The following DLGAP2 variants were observed in gnomAD, a reference collection of about 807,000 sequenced individuals.
The protein encoded by DLGAP2 is disks large-associated protein 2.
A neutral mutation model predicts 100.3 loss-of-function variants in DLGAP2; 26 were observed. The ratio of observed to expected loss-of-function variants is 0.26; its 90% CI spans 0.19 to 0.36. The LOEUF is 0.36. Among genes scored for constraint, DLGAP2 ranks in the 10% least tolerant of loss-of-function variants. The pLI, the probability that DLGAP2 is intolerant of heterozygous loss-of-function variation, is 1.00. For missense variants in DLGAP2, 1,858 were observed against 1,453.2 expected (o/e 1.28, Z -4.53); for synonymous variants, 886 against 630.1 (o/e 1.41, Z -6.08).
intron 3 of DLGAP2, among the ~76,000 whole-genome samples, chr8:1,424,318 G>A (rs778258926): frequency 2.6e-5 from 4 of 152,220 alleles, no homozygotes; most frequent in Admixed American, 1.3e-4. Context: ...TTATTAAGAC[G>A]TGCGTATCAA....
chr8:1,233,348 C>T (rs1434804067), intron 2 of DLGAP2, among the ~76,000 whole-genome samples: 1 of 152,212 alleles, frequency 6.6e-6, no homozygotes, highest in African/African-American at 2.4e-5. Flanking sequence ...CTGGCCTGTG[C>T]TCTAAGAAGC....
chr8:1,530,679 TA>T (rs1490450523), intron 4 of DLGAP2, among the ~76,000 whole-genome samples: 3 of 152,346 alleles, frequency 2.0e-5, no homozygotes, highest in African/African-American at 7.2e-5. Flanking sequence ...ATTACAAAAG[TA>T]TTAATTTGGG....
chr8:1,508,165 A>C (rs1254819275), intron 4 of DLGAP2, among the ~76,000 whole-genome samples: 1 of 151,832 alleles, frequency 6.6e-6, no homozygotes. Flanking sequence ...TTAGGATGCC[A>C]GGGCTTTTCA....
intron 2 of DLGAP2, among the ~76,000 whole-genome samples, chr8:1,133,348 A>G (rs899731817): frequency 6.6e-6 from 1 of 152,228 alleles, no homozygotes; most frequent in Non-Finnish European, 1.5e-5. Flanking sequence ...ATCATCAAAA[A>G]TAAATTCATC....
intron 2 of DLGAP2, among the ~76,000 whole-genome samples, chr8:1,242,477 A>G (rs1275742775): frequency 1.3e-5 from 2 of 152,190 alleles, no homozygotes; most frequent in African/African-American, 4.8e-5. Flanking sequence ...TTCTTATGAA[A>G]TGTCCCATCC....
intron 8 of DLGAP2, among the ~76,000 whole-genome samples, chr8:1,647,667 A>T (rs1798073633): frequency 6.6e-6 from 1 of 152,150 alleles, no homozygotes; most frequent in South Asian, 2.1e-4. Context: ...AGTTCTTGCA[A>T]TGGTCTGGAA....
intron 1 of DLGAP2, among the ~76,000 whole-genome samples, chr8:790,041 T>C (rs375704789): frequency 6.6e-6 from 1 of 152,112 alleles, no homozygotes; most frequent in African/African-American, 2.4e-5. Context: ...GTCAGTGCAG[T>C]GCGTGTGAAA....
intron 3 of DLGAP2, among the ~76,000 whole-genome samples, chr8:1,389,720 GT>G (rs1360463856): frequency 6.6e-6 from 1 of 152,138 alleles, no homozygotes; most frequent in African/African-American, 2.4e-5. Context: ...AAGGACAGCT[GT>G]TTTCCAGACT....
At chr8:1,337,924 T>C (rs369936036) in intron 3 of DLGAP2, among the ~76,000 whole-genome samples, 1 of 152,334 alleles carries the variant, frequency 6.6e-6, no homozygotes, top group South Asian at 2.1e-4. Context: ...AATGTTCCAC[T>C]AAGTACAGGG....
chr8:1,392,502 G>A (rs1796388446), intron 3 of DLGAP2, among the ~76,000 whole-genome samples: 1 of 152,230 alleles, frequency 6.6e-6, no homozygotes, highest in Admixed American at 6.5e-5. Context: ...TTGTCCTGCT[G>A]TGCCTCATTG....
At chr8:927,293 G>C in intron 2 of DLGAP2, 1 of 938,184 alleles carries the variant, frequency 1.1e-6, no homozygotes, top group Non-Finnish European at 1.3e-6. Context: ...TGAAGCTTCT[G>C]TGGCGACTGT....
chr8:1,482,502 A>C (rs2130250435), intron 3 of DLGAP2, among the ~76,000 whole-genome samples: 1 of 152,378 alleles, frequency 6.6e-6, no homozygotes, highest in South Asian at 2.1e-4. Flanking sequence ...ATTTATATGC[A>C]TTTTTAATTT....
chr8:1,363,013 G>T (rs534417705), intron 3 of DLGAP2, among the ~76,000 whole-genome samples: 38 of 152,240 alleles, frequency 2.5e-4, no homozygotes, highest in African/African-American at 8.7e-4. Context: ...CCCCACCGCC[G>T]GACACAGGCC....
chr8:960,498 G>C (rs927441542), intron 2 of DLGAP2, among the ~76,000 whole-genome samples: 4 of 151,936 alleles, frequency 2.6e-5, no homozygotes, highest in Admixed American at 2.0e-4. Context: ...GCCTCCCAAA[G>C]TGCTGGGATT....
At chr8:1,561,470 C>A (rs1802159171) in intron 5 of DLGAP2, among the ~76,000 whole-genome samples, 2 of 152,132 alleles carry the variant, frequency 1.3e-5, no homozygotes, top group South Asian at 4.2e-4. Flanking sequence ...TTGTCCTGAG[C>A]CTTTGGGCCT....
chr8:1,178,584 C>CT (rs372123389), intron 2 of DLGAP2, among the ~76,000 whole-genome samples: 2,140 of 151,660 alleles, frequency 0.014, 43 homozygotes, highest in African/African-American at 0.05. Flanking sequence ...AGACATCTCT[C>CT]TTTTTTTTAG....
intron 10 of DLGAP2, among the ~76,000 whole-genome samples, chr8:1,675,522 C>T (rs1218125133): frequency 6.6e-6 from 1 of 152,226 alleles, no homozygotes; most frequent in Non-Finnish European, 1.5e-5. Flanking sequence ...CTCGTTGACA[C>T]AGGCTTAACC....
intron 1 of DLGAP2, among the ~76,000 whole-genome samples, chr8:881,666 A>ATGTATATATCTATATATATAT: frequency 7.6e-6 from 1 of 131,048 alleles, no homozygotes; most frequent in African/African-American, 2.7e-5. Flanking sequence ...CTTGTGGCTG[A>ATGTATATATCTATATATATAT]ACACACACAC....
chr8:942,673 T>C (rs575707102), intron 2 of DLGAP2, among the ~76,000 whole-genome samples: 1 of 152,358 alleles, frequency 6.6e-6, no homozygotes, highest in African/African-American at 2.4e-5. Flanking sequence ...CGTATTTCAG[T>C]GAGGCAGAGT....
Sources: allele counts gnomAD v4.1 joint callset (sites outside exome capture counted in the v4.1 genomes callset), GRCh38; gene constraint gnomAD v4.1.1; transcripts MANE v1.5; gene names NCBI Gene and HGNC (gene_info 2026-07-23, HGNC 2026-07-21).